DENND1A: variants seen among roughly 807,000 people sequenced by gnomAD.
The protein encoded by DENND1A is DENN domain-containing protein 1A.
DENND1A carries 51 observed loss-of-function variants against 113.7 expected under a neutral mutation model. That is an observed-to-expected ratio of 0.45 (90% CI 0.36 to 0.57). The LOEUF is 0.57. Ranked by LOEUF, DENND1A falls within the 20% of genes least tolerant of loss-of-function variation. DENND1A has a pLI of 0.00. For missense variants in DENND1A, 1,258 were observed against 1,395.9 expected (o/e 0.90, Z 1.57); for synonymous variants, 565 against 570.8 (o/e 0.99, Z 0.14).
intron 1 of DENND1A, among the ~76,000 whole-genome samples, chr9:123,899,625 T>A (rs1401173957): frequency 6.6e-6 from 1 of 152,212 alleles, no homozygotes; most frequent in Non-Finnish European, 1.5e-5. Flanking sequence ...GTTTAATATA[T>A]AAATATTTCA....
chr9:123,855,676 T>C (rs184087133), intron 2 of DENND1A, among the ~76,000 whole-genome samples: 123 of 152,182 alleles, frequency 8.1e-4, no homozygotes, highest in Non-Finnish European at 1.4e-3. Flanking sequence ...TTATATTTGT[T>C]TAAAACACAC....
chr9:123,901,691 C>T (rs1851650651), intron 1 of DENND1A, among the ~76,000 whole-genome samples: 1 of 152,164 alleles, frequency 6.6e-6, no homozygotes, highest in Non-Finnish European at 1.5e-5. Context: ...TCTGATGCTA[C>T]ATCTTGATAA....
intron 18 of DENND1A, among the ~76,000 whole-genome samples, chr9:123,441,750 A>G (rs1225636768): frequency 2.6e-5 from 4 of 152,242 alleles, no homozygotes; most frequent in Non-Finnish European, 5.9e-5. Flanking sequence ...TTACCAAATA[A>G]AAATAACTCA....
rs56805562 is a variant in DENND1A at position 123,827,392 on chromosome 9, A to AATATATAT, written c.89-34770_89-34763dup. Among the ~76,000 whole-genome samples, 935 of 140,748 alleles carry AATATATAT rather than the reference A, an allele frequency of 6.6e-3. 15 individuals carry two copies. The highest frequency in any genetic ancestry group is 0.023 in the African/African-American group (870 of 38,538). 92.3% of individuals were successfully genotyped at this position (140,748 alleles called of 152,430 possible). On this transcript the variant is annotated intron_variant, in intron 2 of 23. Transcript: ENST00000394215. ...TGAATAATTTCATTAATGGATATAT[A>AATATATAT]ATATATATATATATATATATATATA...
At position 123,620,213 on chromosome 9, in the gene DENND1A, C is replaced by CAAAAAAAAAAAAAAAAAAA. The variant is rs34196587; in HGVS notation, c.719+10144_719+10162dup. ...TGGGTGAGAGAGTAAGACTCCATCT[C>CAAAAAAAAAAAAAAAAAAA]AAAAAAAAAAAAAAAAAAAAAAAAA... On this transcript the variant is annotated intron_variant, in intron 10 of 23. Coordinates refer to ENST00000394215, the MANE Select transcript of DENND1A (RefSeq NM_001352964.2). Among the ~76,000 whole-genome samples the CAAAAAAAAAAAAAAAAAAA allele has an allele frequency of 1.8e-3, 107 of 58,838 alleles. 3 individuals are homozygous for CAAAAAAAAAAAAAAAAAAA. Among genetic ancestry groups the CAAAAAAAAAAAAAAAAAAA allele is most frequent in the South Asian group, 4.9e-3 (7 of 1,428 alleles). The allele number at this position is 58,838 out of a possible 152,430, so 38.6% of individuals were successfully genotyped here. A position where few individuals can be genotyped will look rare whatever the true frequency, so the allele number is the denominator to read the frequency against.
intron 13 of DENND1A, among the ~76,000 whole-genome samples, chr9:123,483,398 C>T (rs1259394339): frequency 2.7e-5 from 4 of 150,378 alleles, no homozygotes; most frequent in Non-Finnish European, 5.9e-5. Flanking sequence ...GCCAGATGAC[C>T]CCCACCATGG....
chr9:123,640,447 A>G (rs1201836506), intron 9 of DENND1A, among the ~76,000 whole-genome samples: 2 of 152,176 alleles, frequency 1.3e-5, no homozygotes, highest in Non-Finnish European at 2.9e-5. Flanking sequence ...ATGAGAAATG[A>G]CCATTTATTC....
Position 123,382,209 on chromosome 9 carries a change from C to T in DENND1A, c.2436G>A (p.Gly812=), listed in dbSNP as rs143674754. 6 of 1,609,594 alleles carry T rather than the reference C, an allele frequency of 3.7e-6. No individual in the cohort carries two copies. In the African/African-American group the frequency reaches 4.0e-5, roughly 11 times the overall value. ...CTTGGGGGACAACACCAGGCAGGAG[C>T]CCTGGACTCAGGGCAGCTCGCCTGT... ...DRDRRAALSP[G]LLPGVVPQGP... The change falls in exon 24 of 24, where the codon GGG becomes GGA. Residue 812 remains glycine, a synonymous_variant. Transcript: ENST00000394215.
chr9:123,738,005 T>C (rs181257081), intron 5 of DENND1A, among the ~76,000 whole-genome samples: 5 of 152,268 alleles, frequency 3.3e-5, no homozygotes, highest in Admixed American at 2.6e-4. Context: ...CAGTCTTAGC[T>C]GAGAAAACTT....
intron 9 of DENND1A, among the ~76,000 whole-genome samples, chr9:123,643,848 A>C (rs1263895090): frequency 6.6e-6 from 1 of 152,244 alleles, no homozygotes; most frequent in African/African-American, 2.4e-5. Context: ...GCGCACAGAC[A>C]GGGCTTGCCG....
chr9:123,805,365 G>C (rs770925557), intron 2 of DENND1A, among the ~76,000 whole-genome samples: 3 of 151,726 alleles, frequency 2.0e-5, no homozygotes, highest in Admixed American at 2.0e-4. Flanking sequence ...CTTGAGGATG[G>C]GCCCCAAGTC....
intron 13 of DENND1A, among the ~76,000 whole-genome samples, chr9:123,463,491 T>C (rs967277532): frequency 4.6e-5 from 7 of 152,240 alleles, no homozygotes; most frequent in Non-Finnish European, 8.8e-5. Flanking sequence ...TGAAGACCCA[T>C]AGAGTATTAC....
chr9:123,423,495 C>T (rs1305233989), intron 19 of DENND1A, among the ~76,000 whole-genome samples: 2 of 152,102 alleles, frequency 1.3e-5, no homozygotes, highest in Non-Finnish European at 2.9e-5. Flanking sequence ...CACCTGCAAT[C>T]TCACCACTTG....
chr9:123,800,989 G>A (rs1187009270), intron 2 of DENND1A, among the ~76,000 whole-genome samples: 4 of 152,056 alleles, frequency 2.6e-5, no homozygotes, highest in East Asian at 1.9e-4. Flanking sequence ...GAGACAATGC[G>A]GACATCTCTG....
intron 13 of DENND1A, among the ~76,000 whole-genome samples, chr9:123,464,708 C>A (rs1357925793): frequency 6.6e-6 from 1 of 151,840 alleles, no homozygotes; most frequent in Non-Finnish European, 1.5e-5. Flanking sequence ...GTTAAGATGG[C>A]AAATTTTATG....
chr9:123,454,395 A>C (rs921357084), intron 16 of DENND1A, among the ~76,000 whole-genome samples: 1 of 152,214 alleles, frequency 6.6e-6, no homozygotes, highest in African/African-American at 2.4e-5. Flanking sequence ...GTTACACAGC[A>C]GCAATTTTTG....
At chr9:123,596,122 T>C (rs1002915888) in intron 11 of DENND1A, among the ~76,000 whole-genome samples, 8 of 152,180 alleles carry the variant, frequency 5.3e-5, no homozygotes, top group African/African-American at 1.7e-4. Context: ...GGCCCAGAGA[T>C]AGCTCGCCAC....
rs752985488 is a variant in DENND1A, at chr9:123,818,561, CACACACATAT to C, written c.89-25941_89-25932del. On this transcript the variant is annotated intron_variant, in intron 2 of 23. Coordinates refer to ENST00000394215, the MANE Select transcript of DENND1A (RefSeq NM_001352964.2). ...ACACACACACACACACACACACACA[CACACACATAT>C]ATATATATATATAAAATGAGATCTT... 6.5e-3 allele frequency among the ~76,000 whole-genome samples: 756 copies of C among 116,506 alleles called. 6 individuals are homozygous for C. The highest frequency in any genetic ancestry group is 0.014 in the East Asian group (50 of 3,584). 76.4% of individuals were successfully genotyped at this position (116,506 alleles called of 152,430 possible).
intron 2 of DENND1A, among the ~76,000 whole-genome samples, chr9:123,818,515 C>CAT (rs144158330): frequency 9.8e-4 from 110 of 112,374 alleles, no homozygotes; most frequent in African/African-American, 4.0e-3. Context: ...TATATACATA[C>CAT]ATATACACAC....
Sources: allele counts gnomAD v4.1 joint callset (sites outside exome capture counted in the v4.1 genomes callset), GRCh38; gene constraint gnomAD v4.1.1; transcripts MANE v1.5; gene names NCBI Gene and HGNC (gene_info 2026-07-23, HGNC 2026-07-21).